The following CASK variants were observed in gnomAD, a reference collection of about 807,000 sequenced individuals.
CASK encodes the protein calcium/calmodulin dependent serine protein kinase.
A neutral mutation model predicts 82.9 loss-of-function variants in CASK; 4 were observed. The ratio of observed to expected loss-of-function variants is 0.05; its 90% CI spans 0.02 to 0.11. CASK has a LOEUF of 0.11. CASK is among the 10% of genes least tolerant of loss of function. The probability of loss-of-function intolerance (pLI) is 1.00; values close to 1 mark genes in which losing one functional copy is unlikely to be tolerated. For synonymous variants in CASK, 259 were observed against 253.5 expected, an observed-to-expected ratio of 1.02 and a Z score of -0.20; for missense variants, 358 against 720.9, an observed-to-expected ratio of 0.50 and a Z score of 5.76.
chrX:41,854,222 G>GCACACA (rs1195147772), intron 1 of CASK, among the ~76,000 whole-genome samples: 1,710 of 83,389 alleles, frequency 0.021, 22 homozygotes, highest in Non-Finnish European at 0.027. Context: ...GCGCGGGCGC[G>GCACACA]CGCACACACA....
chrX:41,915,068 C>T (rs192282606), intron 1 of CASK, among the ~76,000 whole-genome samples: 1 of 111,577 alleles, frequency 9.0e-6, no homozygotes. Flanking sequence ...ATCCTCCCCC[C>T]TCTTTTAAAC....
intron 5 of CASK, among the ~76,000 whole-genome samples, chrX:41,713,893 T>A (rs1008387090): frequency 2.7e-5 from 3 of 111,735 alleles, no homozygotes; most frequent in African/African-American, 9.8e-5. Context: ...TCTGCTGTTC[T>A]CCTAACGGTA....
intron 8 of CASK, among the ~76,000 whole-genome samples, chrX:41,642,169 A>C (rs193292335): frequency 4.7e-4 from 52 of 111,264 alleles, no homozygotes; most frequent in African/African-American, 1.5e-3. Flanking sequence ...GGTTGGTTCC[A>C]AGTCTTTGCT....
intron 2 of CASK, among the ~76,000 whole-genome samples, chrX:41,832,829 A>T (rs1053026490): frequency 4.4e-5 from 5 of 112,399 alleles, no homozygotes; most frequent in African/African-American, 1.6e-4. Flanking sequence ...TGTCTAATAC[A>T]TTTATTTTCT....
chrX:41,733,774 T>A (rs750338236), intron 5 of CASK, among the ~76,000 whole-genome samples: 1 of 110,561 alleles, frequency 9.0e-6, no homozygotes, highest in East Asian at 2.8e-4. Flanking sequence ...ATAAATAAAA[T>A]AAATAAAGAA....
At chrX:41,769,307 C>T (rs113860956) in intron 3 of CASK, among the ~76,000 whole-genome samples, 2,226 of 107,481 alleles carry the variant, frequency 0.021, 64 homozygotes, top group African/African-American at 0.071. Flanking sequence ...GTGATCCTCC[C>T]GCCTCAGTCT....
At chrX:41,868,509 A>G (rs897578204) in intron 1 of CASK, among the ~76,000 whole-genome samples, 5 of 111,945 alleles carry the variant, frequency 4.5e-5, no homozygotes, top group Admixed American at 1.9e-4. Flanking sequence ...CAAACACCCC[A>G]TAATTATGGG....
At chrX:41,618,922 G>T (rs965707722) in intron 11 of CASK, among the ~76,000 whole-genome samples, 1 of 106,399 alleles carries the variant, frequency 9.4e-6, no homozygotes, top group African/African-American at 3.5e-5. Flanking sequence ...CGCCTCCTGG[G>T]TTCATGCCAT....
intron 12 of CASK, among the ~76,000 whole-genome samples, chrX:41,591,010 T>G (rs185517903): frequency 0.011 from 1,179 of 112,284 alleles, 12 homozygotes; most frequent in African/African-American, 0.036. Flanking sequence ...AAAGCACTAC[T>G]AAATCAGAGA....
chrX:41,853,988 C>T (rs1439652636), intron 1 of CASK, among the ~76,000 whole-genome samples: 1 of 111,747 alleles, frequency 8.9e-6, no homozygotes, highest in South Asian at 3.7e-4. Context: ...GAAAGGCCTG[C>T]GTGGTTTGGT....
chrX:41,570,055 T>C (rs1179346904), intron 15 of CASK, among the ~76,000 whole-genome samples: 1 of 94,872 alleles, frequency 1.1e-5, no homozygotes, highest in Non-Finnish European at 2.1e-5. Context: ...CAGGCTGGAG[T>C]GCAGTGGCAC....
chrX:41,650,293 T>C (rs2066843851), intron 8 of CASK, among the ~76,000 whole-genome samples: 1 of 111,600 alleles, frequency 9.0e-6, no homozygotes, highest in South Asian at 3.7e-4. Context: ...GATCCTGTCA[T>C]TATGATGTTA....
intron 2 of CASK, among the ~76,000 whole-genome samples, chrX:41,799,545 AG>A (rs2069945013): frequency 9.2e-6 from 1 of 108,837 alleles, no homozygotes; most frequent in African/African-American, 3.3e-5. Context: ...ACTCTGTCTC[AG>A]AAAAAACCCA....
intron 1 of CASK, among the ~76,000 whole-genome samples, chrX:41,860,373 G>A (rs2071455000): frequency 9.0e-6 from 1 of 111,382 alleles, no homozygotes; most frequent in African/African-American, 3.3e-5. Context: ...AACATTAGCA[G>A]TAAGAATAAA....
intron 12 of CASK, among the ~76,000 whole-genome samples, chrX:41,598,750 T>C (rs1457882990): frequency 8.9e-6 from 1 of 112,020 alleles, no homozygotes; most frequent in Non-Finnish European, 1.9e-5. Context: ...GAAATCAAAA[T>C]CACTCAGGCC....
chrX:41,818,760 A>T (rs2070467692), intron 2 of CASK, among the ~76,000 whole-genome samples: 2 of 110,860 alleles, frequency 1.8e-5, no homozygotes, highest in African/African-American at 6.6e-5. Context: ...TGCAAGGGGA[A>T]ATTCAATGGA....
intron 9 of CASK, among the ~76,000 whole-genome samples, chrX:41,630,711 A>G (rs1048655318): frequency 8.9e-6 from 1 of 111,791 alleles, no homozygotes; most frequent in African/African-American, 3.2e-5. Context: ...TATCACCAGA[A>G]CATACCAATA....
intron 16 of CASK, among the ~76,000 whole-genome samples, chrX:41,563,263 A>C (rs1450063442): frequency 9.9e-6 from 1 of 101,254 alleles, no homozygotes; most frequent in Non-Finnish European, 2.0e-5. Flanking sequence ...AGTCTGAGAC[A>C]GGAGGATTAC....
chrX:41,794,942 C>T (rs930881301), intron 2 of CASK, among the ~76,000 whole-genome samples: 3 of 112,317 alleles, frequency 2.7e-5, no homozygotes, highest in East Asian at 5.5e-4. Flanking sequence ...CCACCCATTT[C>T]TCCCCCAAAT....
Sources: gnomAD v4.1 joint callset for allele counts (sites outside exome capture counted in the v4.1 genomes callset) on GRCh38, gnomAD v4.1.1 for gene constraint, MANE v1.5 for transcripts, NCBI Gene and HGNC (gene_info 2026-07-23, HGNC 2026-07-21) for gene names.